Variants in SCN4A observed in about 807,000 individuals in gnomAD.
SCN4A encodes the protein sodium channel protein type 4 subunit alpha.
Under a neutral mutation model 162.0 loss-of-function variants are expected in SCN4A, and 83 were observed. The observed-to-expected ratio is 0.51, with a 90% CI of 0.43 to 0.61. The LOEUF is 0.61. SCN4A is among the 20% of genes least tolerant of loss of function. SCN4A has a pLI of 0.00. For missense variants in SCN4A, 2,196 were observed against 2,462.5 expected (o/e 0.89, Z 2.29); for synonymous variants, 944 against 985.1 (o/e 0.96, Z 0.78).
At chr17:63,969,586 T>G (rs1247288861) in intron 5 of SCN4A, among the ~76,000 whole-genome samples, 2 of 152,212 alleles carry the variant, frequency 1.3e-5, no homozygotes, top group Admixed American at 1.3e-4. Flanking sequence ...TCGGCTGCAG[T>G]CAGAGGGCTT....
chr17:63,943,880 G>A, intron 21 of SCN4A, 30 bp from the exon 22 acceptor site: 1 of 1,455,748 alleles, frequency 6.9e-7, no homozygotes, highest in Non-Finnish European at 9.6e-7. Context: ...GTCAGGTTGA[G>A]GTGCAGTTCC....
chr17:63,963,278 A>C (rs1909325456), intron 10 of SCN4A, among the ~76,000 whole-genome samples: 1 of 152,140 alleles, frequency 6.6e-6, no homozygotes, highest in Admixed American at 6.5e-5. Flanking sequence ...ACACTTGAGG[A>C]GCAGGATGTC....
Position 63,966,206 on chromosome 17 carries a change from G to C in SCN4A, c.1138C>G (p.Arg380Gly). Residue 380 changes from arginine to glycine, a missense_variant, in exon 8 of 24, where the codon CGG (arginine) becomes GGG (glycine). Transcript: ENST00000435607. ...PEGYECIKTG[R>G]NPNYGYTSYD... ...CTGGTGTAGCCATAGTTGGGGTTCC[G>C]CCCGGTCTTGATGCACTCATAACCC... 6.2e-7 allele frequency: 1 copy of C among 1,602,746 alleles called. No individual in the cohort carries two copies. The highest frequency in any genetic ancestry group is 1.3e-5 in the African/African-American group (1 of 74,880).
chr17:63,952,067 T>C (rs1024377732), intron 13 of SCN4A, among the ~76,000 whole-genome samples, 167 bp from the exon 14 acceptor site: 3 of 152,152 alleles, frequency 2.0e-5, no homozygotes, highest in Non-Finnish European at 4.4e-5. Context: ...GAGGTGATGG[T>C]TATTATCCCT....
chr17:63,943,916 A>C, intron 21 of SCN4A, 66 bp from the exon 22 acceptor site: 4 of 1,001,970 alleles, frequency 4.0e-6, no homozygotes, highest in East Asian at 2.4e-5. Context: ...GACCACCCCC[A>C]CCTCAGTGGG....
rs1395381249 is a variant in SCN4A at position 63,957,442 on chromosome 17, G to A, written c.2096C>T (p.Ala699Val). The A allele has an allele frequency of 3.7e-6, 6 of 1,613,846 alleles. No homozygotes were observed. Among genetic ancestry groups the A allele is most frequent in the African/African-American group, 1.3e-5 (1 of 74,880 alleles). ...CAGCACCAGCGTCAGGTTACCCAGC[G>A]CCCCCACTGAATTGCCAATGATCTT... ...LIKIIGNSVG[A>V]LGNLTLVLAI... Residue 699 changes from alanine to valine, a missense_variant, in exon 13 of 24, where the codon GCG becomes GTG. Transcript: ENST00000435607.
At position 63,941,069 on chromosome 17, in the gene SCN4A, T is replaced by C; in HGVS notation, c.5213A>G (p.Tyr1738Cys). 6.2e-7 allele frequency: 1 copy of C among 1,613,988 alleles called. No individual in the cohort carries two copies. The highest frequency in any genetic ancestry group is 8.5e-7 in the Non-Finnish European group (1 of 1,179,870). ...GGAGCGCTGTAGCAGGTGCCGGCGG[T>C]AGGCCCTCTGGATCTTGATGGCGCA... is the stretch of plus-strand genomic sequence containing the variant. ...EVCAIKIQRA[Y>C]RRHLLQRSMK... The change falls in exon 24 of 24, where the codon TAC (tyrosine) becomes TGC (cysteine). Residue 1738 changes from tyrosine to cysteine, a missense_variant. By Grantham distance (194) the Tyr-to-Cys change is radical. Coordinates refer to ENST00000435607, the MANE Select transcript of SCN4A (RefSeq NM_000334.4). This position sits in a 1 kb window ranked among gnomAD's most constrained non-coding sequence, Gnocchi z 6.2.
Position 63,968,153 on chromosome 17 carries a change from G to A in SCN4A, c.906C>T (p.Gly302=), listed in dbSNP as rs777930129. ...TTWYSNDTWY[G]NDTWYGNEMW... ...TCTCATTGCCATACCATGTGTCATTGCCGTACCACGTGTCATTGCTGTACC... is the reference window on the plus strand; with the variant it reads ...TCTCATTGCCATACCATGTGTCATTACCGTACCACGTGTCATTGCTGTACC... The change falls in exon 6 of 24, where the codon GGC becomes GGT. Residue 302 remains glycine, a synonymous_variant. Transcript: ENST00000435607. 6.8e-6 allele frequency: 11 copies of A among 1,613,904 alleles called. No homozygotes were observed. The highest frequency in any genetic ancestry group is 9.3e-6 in the Non-Finnish European group (11 of 1,179,882).
chr17:63,951,533 A>G lies in SCN4A; in HGVS notation c.2744T>C (p.Ile915Thr), dbSNP rs2144786663. ...SSLELDHLNF[I>T]NNPYLTIQVP... The stretch of plus-strand genomic sequence containing the variant: ...CTGTATGGTCAGGTAGGGGTTGTTG[A>G]TGAAGTTAAGGTGGTCCAGCTCGAG... Residue 915 changes from isoleucine to threonine, a missense_variant, in exon 14 of 24, where the codon ATC (isoleucine) becomes ACC (threonine). Ile to Thr is a moderately conservative substitution (Grantham distance 89). Coordinates refer to ENST00000435607, the MANE Select transcript of SCN4A (RefSeq NM_000334.4). This position sits in a 1 kb window ranked among gnomAD's most constrained non-coding sequence, Gnocchi z 4.5. 4 of 1,613,864 alleles carry G rather than the reference A, an allele frequency of 2.5e-6. No individual in the cohort carries two copies. The highest frequency in any genetic ancestry group is 2.7e-5 in the African/African-American group (2 of 74,974).
chr17:63,941,011 G>T lies in SCN4A; in HGVS notation c.5271C>A (p.Ser1757Arg), dbSNP rs1369287626. Residue 1757 changes from serine to arginine, a missense_variant, in exon 24 of 24, where the codon AGC becomes AGA. Physicochemically the swap from Ser to Arg is moderately radical, Grantham distance 110. Coordinates refer to ENST00000435607, the MANE Select transcript of SCN4A (RefSeq NM_000334.4). This position sits in a 1 kb window ranked among gnomAD's most constrained non-coding sequence, Gnocchi z 6.2. ...MKQASYMYRH[S>R]HDGSGDDAPE... ...GGGCGTCATCCCCGCTGCCGTCGTG[G>T]CTGTGGCGGTACATGTAGGATGCCT... The T allele has an allele frequency of 6.2e-7, 1 of 1,613,798 alleles. No individual in the cohort carries two copies. The highest frequency in any genetic ancestry group is 1.7e-5 in the Admixed American group (1 of 60,016).
At chr17:63,967,025 G>A (rs551575763) in intron 6 of SCN4A, among the ~76,000 whole-genome samples, 15 of 152,340 alleles carry the variant, frequency 9.8e-5, no homozygotes, top group Middle Eastern at 6.8e-3. Flanking sequence ...GGATGTGGGT[G>A]TGTGGGTGGG....
chr17:63,946,468 C>CA (rs1281393872), intron 18 of SCN4A, among the ~76,000 whole-genome samples: 11 of 129,346 alleles, frequency 8.5e-5, no homozygotes, highest in Admixed American at 1.4e-4. Context: ...TCTTGCCCCC[C>CA]CCCCCACCCC....
Position 63,972,848 on chromosome 17 carries a change from A to C in SCN4A, c.-7T>G. 1.2e-6 allele frequency: 2 copies of C among 1,601,900 alleles called. No individual in the cohort carries two copies. Among genetic ancestry groups the C allele is most frequent in the South Asian group, 2.2e-5 (2 of 89,788 alleles). ...ACAGAGATGGTCTGGCCATCCTCGC[A>C]TCCTGGGCTCAGAGACCAGAAGGGT... On this transcript the variant is annotated 5_prime_UTR_variant, in exon 1 of 24. The change abolishes an upstream ATG in the 5' untranslated region. Coordinates refer to ENST00000435607, the MANE Select transcript of SCN4A (RefSeq NM_000334.4). The surrounding 1 kb of genome is among the most constrained non-coding windows in gnomAD (Gnocchi z 4.3).
In SCN4A at chr17:63,948,670, C is replaced by G; in HGVS notation, c.3085G>C (p.Glu1029Gln). ...TLRRACFKIV[E>Q]HNWFETFIVF... ...ATGAAGGTCTCGAACCAGTTGTGCTCGACAATCTTGAAGCAGGCCCTGCGC... is the reference window on the plus strand; with the variant it reads ...ATGAAGGTCTCGAACCAGTTGTGCTGGACAATCTTGAAGCAGGCCCTGCGC... The change falls in exon 16 of 24, where the codon GAG becomes CAG. Residue 1029 changes from glutamate to glutamine, a missense_variant. Glu to Gln is a conservative substitution (Grantham distance 29). Coordinates refer to ENST00000435607, the MANE Select transcript of SCN4A (RefSeq NM_000334.4). 1 of 1,613,788 alleles carries G rather than the reference C, an allele frequency of 6.2e-7. No homozygotes were observed. The highest frequency in any genetic ancestry group is 8.5e-7 in the Non-Finnish European group (1 of 1,179,856).
intron 16 of SCN4A, 80 bp downstream of exon 16, chr17:63,948,531 G>A (rs976716111): frequency 2.1e-5 from 27 of 1,268,298 alleles, no homozygotes; most frequent in Non-Finnish European, 5.6e-6. Context: ...CCCTTCCTGT[G>A]TGTGGAGACA....
chr17:63,972,416 C>A lies in SCN4A; in HGVS notation c.328G>T (p.Ala110Ser), dbSNP rs765569744. The A allele has an allele frequency of 1.2e-6, 2 of 1,613,966 alleles. No individual in the cohort carries two copies. Among genetic ancestry groups the A allele is most frequent in the Non-Finnish European group, 1.7e-6 (2 of 1,179,876 alleles). ...CTGAAGGGGCTCAGCAGGTAGAGAG[C>A]AGGTGTGGCGGAGAAGCGGAAGATG... ...KAIFRFSATP[A>S]LYLLSPFSVV... is the part of the protein sequence containing the mutation. Residue 110 changes from alanine to serine, a missense_variant, in exon 2 of 24, where the codon GCT (alanine) becomes TCT (serine). Coordinates refer to ENST00000435607, the MANE Select transcript of SCN4A (RefSeq NM_000334.4). This position sits in a 1 kb window ranked among gnomAD's most constrained non-coding sequence, Gnocchi z 4.3.
chr17:63,965,899 A>T (rs1909426047), intron 8 of SCN4A, among the ~76,000 whole-genome samples: 1 of 152,222 alleles, frequency 6.6e-6, no homozygotes, highest in South Asian at 2.1e-4. Context: ...GTGTGGAAAG[A>T]ATTAAAGCTG....
intron 15 of SCN4A, among the ~76,000 whole-genome samples, chr17:63,949,042 C>T (rs989425132): frequency 6.6e-6 from 1 of 152,220 alleles, no homozygotes. Context: ...GCCCCACCCC[C>T]CACCTCGCCC....
intron 9 of SCN4A, 57 bp from the exon 10 acceptor site, chr17:63,963,882 C>T (rs1909351394): frequency 6.8e-7 from 1 of 1,477,392 alleles, no homozygotes; most frequent in East Asian, 2.5e-5. Context: ...GAGGGATGGA[C>T]TAATTGACCC....
Sources: allele counts gnomAD v4.1 joint callset (sites outside exome capture counted in the v4.1 genomes callset), GRCh38; gene constraint gnomAD v4.1.1; non-coding constraint Gnocchi (gnomAD v3.1); transcripts MANE v1.5; gene names NCBI Gene and HGNC (gene_info 2026-07-23, HGNC 2026-07-21).